Variants in NCSTN observed in about 807,000 individuals in gnomAD.
NCSTN encodes the protein nicastrin, also known as anterior pharynx-defective 2.
A neutral mutation model predicts 87.0 loss-of-function variants in NCSTN; 22 were observed. The observed-to-expected ratio is 0.25, with a 90% CI of 0.18 to 0.36. The LOEUF is 0.36. Ranked by LOEUF, NCSTN falls within the 10% of genes least tolerant of loss-of-function variation. NCSTN has a pLI of 1.00. For synonymous variants in NCSTN, 306 were observed against 327.1 expected, an observed-to-expected ratio of 0.94 and a Z score of 0.69; for missense variants, 693 against 883.3, an observed-to-expected ratio of 0.78 and a Z score of 2.73.
At chr1:160,343,871 C>T in intron 1 of NCSTN, 1 of 448,588 alleles carries the variant, frequency 2.2e-6, no homozygotes, top group Admixed American at 2.8e-5. Flanking sequence ...TCTGTGGGTG[C>T]TGTGCGGCGC....
chr1:160,352,475 T>C (rs1648908949), intron 8 of NCSTN, among the ~76,000 whole-genome samples: 1 of 152,200 alleles, frequency 6.6e-6, no homozygotes, highest in East Asian at 1.9e-4. Flanking sequence ...GGCGGCCTTT[T>C]ACTTTTATTC....
In NCSTN at chr1:160,357,045, A is replaced by G; in HGVS notation, c.1799A>G (p.Tyr600Cys). 1.9e-6 allele frequency: 3 copies of G among 1,612,938 alleles called. No homozygotes were observed. Among genetic ancestry groups the G allele is most frequent in the Non-Finnish European group, 8.5e-7 (1 of 1,179,054 alleles). Residue 600 changes from tyrosine to cysteine, a missense_variant, in exon 16 of 17, where the codon TAT becomes TGT. Physicochemically the swap from Tyr to Cys is radical, Grantham distance 194. Transcript: ENST00000294785. ...SKVPSENKDL[Y>C]EYSWVQGPLH... ...TGTGGCGCATCTTCTGTGCAGCTGTATGAGTACTCATGGGTCCAGGGCCCT... is the reference window on the plus strand; with the variant it reads ...TGTGGCGCATCTTCTGTGCAGCTGTGTGAGTACTCATGGGTCCAGGGCCCT...
rs1205203955 is a variant in NCSTN at position 160,344,731 on chromosome 1, G to A, written c.95G>A (p.Arg32Lys). The A allele has an allele frequency of 2.5e-6, 4 of 1,613,928 alleles. No individual in the cohort carries two copies. The African/African-American group carries it at 4.0e-5, about 16-fold the overall frequency. ...SFCVLLAGLC[R>K]GNSVERKIYI... is the part of the protein sequence containing the mutation. ...TTTATCTTCCGATCAGGTTTGTGCA[G>A]GGGAAACTCAGTGGAGAGGAAGATA... is the stretch of plus-strand genomic sequence containing the variant. The change falls in exon 2 of 17, where the codon AGG (arginine) becomes AAG (lysine). Residue 32 changes from arginine (R) to lysine (K), a missense_variant. This residue lies in a region of NCSTN where 235 missense variants were observed against 233.9 expected (regional missense o/e 1.00). Transcript: ENST00000294785.
chr1:160,352,805 G>A, intron 8 of NCSTN, 82 bp from the exon 9 acceptor site: 4 of 1,065,580 alleles, frequency 3.8e-6, no homozygotes, highest in Non-Finnish European at 5.8e-6. Context: ...CTTACCTACA[G>A]CTTTGATGAT....
chr1:160,358,538 T>G lies in NCSTN; in HGVS notation c.*267T>G. Reference sequence around the variant, plus strand: ...TTTGGGATTACAAATAGAAGCTTCTTGCTCCTGTTTAACTCCCTAGTTACC... The same window carrying G: ...TTTGGGATTACAAATAGAAGCTTCTGGCTCCTGTTTAACTCCCTAGTTACC... On this transcript the variant is annotated 3_prime_UTR_variant, in exon 17 of 17. Transcript: ENST00000294785. 1 of 493,104 alleles carries G rather than the reference T, an allele frequency of 2.0e-6. No homozygotes were observed. The highest frequency in any genetic ancestry group is 3.2e-5 in the Admixed American group (1 of 31,486). The allele number at this position is 493,104 out of a possible 1,614,324, so 30.5% of individuals were successfully genotyped here. A position where few individuals can be genotyped will look rare whatever the true frequency, so the allele number is the denominator to read the frequency against.
intron 10 of NCSTN, chr1:160,353,669 T>C (rs1478115499): frequency 1.0e-6 from 1 of 985,226 alleles, no homozygotes; most frequent in Non-Finnish European, 1.2e-6. Flanking sequence ...AGGCCTGCTT[T>C]TTTCCAGGTG....
At chr1:160,348,444 T>A (rs1648636526) in intron 2 of NCSTN, among the ~76,000 whole-genome samples, 1 of 152,216 alleles carries the variant, frequency 6.6e-6, no homozygotes, top group Non-Finnish European at 1.5e-5. Context: ...ACATCTCTGA[T>A]CCATTCGAGG....
intron 1 of NCSTN, chr1:160,343,695 C>T (rs1648255708): frequency 1.4e-6 from 1 of 712,886 alleles, no homozygotes. Flanking sequence ...GCTTCACTCC[C>T]TTCTCTAGGC....
chr1:160,346,884 C>A (rs1412837881), intron 2 of NCSTN, among the ~76,000 whole-genome samples: 2 of 152,218 alleles, frequency 1.3e-5, no homozygotes, highest in African/African-American at 4.8e-5. Flanking sequence ...GGATTACAGG[C>A]ATGAGCCACC....
intron 16 of NCSTN, among the ~76,000 whole-genome samples, chr1:160,357,933 A>G (rs1397861493): frequency 6.6e-6 from 1 of 152,212 alleles, no homozygotes; most frequent in Non-Finnish European, 1.5e-5. Flanking sequence ...TCTAAGTAAT[A>G]CAAGATGGAA....
At chr1:160,347,904 G>C (rs887774197) in intron 2 of NCSTN, among the ~76,000 whole-genome samples, 2 of 152,218 alleles carry the variant, frequency 1.3e-5, no homozygotes, top group African/African-American at 4.8e-5. Flanking sequence ...ATGAGCCACT[G>C]TGCCCGGCCG....
Position 160,355,720 on chromosome 1 carries a change from C to T in NCSTN, c.1418C>T (p.Pro473Leu). ...GTGAGCTATCCCGAATGGCTGAGCC[C>T]TGAAGAGGACCTGAACTTTGTAACA... is the stretch of plus-strand genomic sequence containing the variant. ...INVSYPEWLS[P>L]EEDLNFVTDT... Residue 473 changes from proline to leucine, a missense_variant, in exon 12 of 17, where the codon CCT becomes CTT. Coordinates refer to ENST00000294785, the MANE Select transcript of NCSTN (RefSeq NM_015331.3). 1 of 1,614,192 alleles carries T rather than the reference C, an allele frequency of 6.2e-7. No individual in the cohort carries two copies. The highest frequency in any genetic ancestry group is 1.1e-5 in the South Asian group (1 of 91,088).
In NCSTN at chr1:160,343,459, G is replaced by A; in HGVS notation, c.63G>A (p.Leu21=). 1.2e-6 allele frequency: 2 copies of A among 1,610,750 alleles called. No individual in the cohort carries two copies. Among genetic ancestry groups the A allele is most frequent in the Non-Finnish European group, 1.7e-6 (2 of 1,178,994 alleles). The part of the protein sequence containing the change: ...DPGSRGLLRL[L]SFCVLLAGLC... ...GAAGTCGGGGTCTCCTTCGCCTTCT[G>A]TCTTTCTGCGTCCTACTAGCAGGTG... Residue 21 remains leucine (L), a synonymous_variant, in exon 1 of 17, where the codon CTG becomes CTA. Transcript: ENST00000294785.
At chr1:160,349,739 T>G (rs1452151341) in intron 4 of NCSTN, 69 bp downstream of exon 4, 3 of 1,579,062 alleles carry the variant, frequency 1.9e-6, no homozygotes, top group Non-Finnish European at 2.6e-6. Context: ...GTCTTACGTC[T>G]TTGTGAGGGA....
intron 2 of NCSTN, 28 bp downstream of exon 2, chr1:160,344,854 G>A (rs780837331): frequency 6.4e-7 from 1 of 1,569,068 alleles, no homozygotes; most frequent in Non-Finnish European, 8.8e-7. Context: ...CATGTTTGTG[G>A]ACATTGATAT....
intron 2 of NCSTN, among the ~76,000 whole-genome samples, chr1:160,345,766 A>G (rs1324716407): frequency 6.6e-6 from 1 of 151,124 alleles, no homozygotes; most frequent in Non-Finnish European, 1.5e-5. Context: ...AAACCCCCCC[A>G]TCTCTACTAA....
At position 160,352,945 on chromosome 1, in the gene NCSTN, T is replaced by A. The variant is rs2101904548; in HGVS notation, c.1055T>A (p.Phe352Tyr). 1 of 1,614,144 alleles carries A rather than the reference T, an allele frequency of 6.2e-7. No homozygotes were observed. The highest frequency in any genetic ancestry group is 2.2e-5 in the East Asian group (1 of 44,884). The change falls in exon 9 of 17, where the codon TTT becomes TAT. Residue 352 changes from phenylalanine to tyrosine, a missense_variant. Phe to Tyr is a conservative substitution (Grantham distance 22). This residue lies in a region of NCSTN where 134 missense variants were observed against 226.0 expected (regional missense o/e 0.59). Coordinates refer to ENST00000294785, the MANE Select transcript of NCSTN (RefSeq NM_015331.3). ...RMVYDMEKGK[F>Y]PVQLENVDSF... is the part of the protein sequence containing the mutation. ...GTCTACGATATGGAGAAGGGCAAGTTTCCCGTGCAGTTAGAGAATGTTGAC... is the reference window on the plus strand; with the variant it reads ...GTCTACGATATGGAGAAGGGCAAGTATCCCGTGCAGTTAGAGAATGTTGAC...
Position 160,355,858 on chromosome 1 carries a change from C to T in NCSTN, c.1456-5C>T. Reference sequence around the variant, plus strand: ...GCCATTCAGCCCCCTCCTCACCTACCACAGGCCCTGGCAGATGTGGCCACG... The same window carrying T: ...GCCATTCAGCCCCCTCCTCACCTACTACAGGCCCTGGCAGATGTGGCCACG... On this transcript the variant is annotated splice_polypyrimidine_tract_variant and splice_region_variant and intron_variant, in intron 12 of 16. Transcript: ENST00000294785. The T allele has an allele frequency of 6.2e-7, 1 of 1,613,854 alleles. No homozygotes were observed. Among genetic ancestry groups the T allele is most frequent in the South Asian group, 1.1e-5 (1 of 91,062 alleles).
chr1:160,349,976 C>T, intron 4 of NCSTN, 129 bp from the exon 5 acceptor site: 3 of 1,173,072 alleles, frequency 2.6e-6, no homozygotes, highest in South Asian at 2.5e-5. Context: ...GACTTCATGC[C>T]TACTTCTTTG....
Sources: allele counts gnomAD v4.1 joint callset (sites outside exome capture counted in the v4.1 genomes callset), GRCh38; gene constraint gnomAD v4.1.1; regional missense constraint gnomAD v4.1.1; transcripts MANE v1.5; gene names NCBI Gene and HGNC (gene_info 2026-07-23, HGNC 2026-07-21).